CLIC5: variants seen among roughly 807,000 people sequenced by gnomAD.
CLIC5 encodes chloride intracellular channel protein 5.
CLIC5 carries 20 observed loss-of-function variants against 24.7 expected under a neutral mutation model. The ratio of observed to expected loss-of-function variants is 0.81; its 90% CI spans 0.57 to 1.18. The LOEUF is 1.18. CLIC5 is among the 50% of genes most tolerant of loss of function. The probability of loss-of-function intolerance (pLI) is 0.00; values close to 1 mark genes in which losing one functional copy is unlikely to be tolerated. For missense variants in CLIC5, 341 were observed against 326.1 expected (o/e 1.05, Z -0.35); for synonymous variants, 159 against 135.6 (o/e 1.17, Z -1.20).
At chr6:45,978,806 C>A (rs192407121) in intron 1 of CLIC5, among the ~76,000 whole-genome samples, 1 of 152,018 alleles carries the variant, frequency 6.6e-6, no homozygotes, top group African/African-American at 2.4e-5. Flanking sequence ...AAACATTAGC[C>A]GGGCATGGTG....
chr6:45,987,867 C>T (rs1765797465), intron 1 of CLIC5, among the ~76,000 whole-genome samples: 1 of 152,220 alleles, frequency 6.6e-6, no homozygotes, highest in South Asian at 2.1e-4. Context: ...GATACAGTCA[C>T]ATTGAGGATT....
At chr6:45,915,213 C>T (rs1762981797) in intron 4 of CLIC5, among the ~76,000 whole-genome samples, 2 of 152,126 alleles carry the variant, frequency 1.3e-5, no homozygotes, top group South Asian at 4.2e-4. Context: ...CAGGTGAGAG[C>T]CACCATGCCT....
intron 4 of CLIC5, chr6:45,914,620 A>C: frequency 1.1e-6 from 1 of 916,122 alleles, no homozygotes; most frequent in Non-Finnish European, 1.4e-6. Flanking sequence ...CCAAACAATA[A>C]ACACTAGCTA....
At chr6:45,895,266 C>G (rs976830121), downstream of CLIC5, among the ~76,000 whole-genome samples, 3 of 152,160 alleles carry the variant, frequency 2.0e-5, no homozygotes, top group African/African-American at 7.2e-5. Flanking sequence ...CCCCTCAAAG[C>G]TTCTAACCTG....
At chr6:46,118,916 T>G in the CLIC5 span, among the ~76,000 whole-genome samples, 1 of 152,294 alleles carries the variant, frequency 6.6e-6, no homozygotes, top group Non-Finnish European at 1.5e-5. Context: ...ATCATCTAGG[T>G]AGGCCCAATG....
chr6:45,947,818 G>A (rs879494764), intron 3 of CLIC5, among the ~76,000 whole-genome samples: 1 of 152,178 alleles, frequency 6.6e-6, no homozygotes, highest in Non-Finnish European at 1.5e-5. Context: ...GTGTGTGTAT[G>A]TGGGGCTGTC....
At chr6:45,919,087 A>G in intron 4 of CLIC5, 1 of 985,460 alleles carries the variant, frequency 1.0e-6, no homozygotes, top group Non-Finnish European at 1.2e-6. Context: ...TGGAAAAACA[A>G]CAACAACTTT....
At chr6:46,105,894 T>G in the CLIC5 span, among the ~76,000 whole-genome samples, 96 of 152,190 alleles carry the variant, frequency 6.3e-4, no homozygotes, top group Non-Finnish European at 1.0e-3. Context: ...CGGCTATGTA[T>G]TTCTTTGTGT....
At chr6:45,894,525 G>A (rs1762378023), downstream of CLIC5, among the ~76,000 whole-genome samples, 1 of 152,124 alleles carries the variant, frequency 6.6e-6, no homozygotes, top group Admixed American at 6.5e-5. Flanking sequence ...TATTCATGAT[G>A]TATGCATGAA....
chr6:45,902,327 AT>A lies in CLIC5; in HGVS notation c.*760del, dbSNP rs1762531245. ...TGGTAGACCCCGTGGGTATTTTGGC[AT>A]CAACACTGCTCCCCTCCCCTCCCAT... is the stretch of plus-strand genomic sequence containing the variant. On this transcript the variant is annotated 3_prime_UTR_variant, in exon 6 of 6. Coordinates refer to ENST00000339561, the MANE Select transcript of CLIC5 (RefSeq NM_016929.5). 1 of 152,934 alleles carries A rather than the reference AT, an allele frequency of 6.5e-6. No individual in the cohort carries two copies. Among genetic ancestry groups the A allele is most frequent in the East Asian group, 1.9e-4 (1 of 5,188 alleles). 9.5% of individuals were successfully genotyped at this position (152,934 alleles called of 1,614,324 possible).
At chr6:45,908,604 T>C (rs1411355051) in intron 5 of CLIC5, among the ~76,000 whole-genome samples, 2 of 152,192 alleles carry the variant, frequency 1.3e-5, no homozygotes, top group Non-Finnish European at 2.9e-5. Context: ...TTGGTGTTGA[T>C]TTCTATTTTT....
At position 45,904,310 on chromosome 6, in the gene CLIC5, A is replaced by G. The variant is rs564100607; in HGVS notation, c.589-1055T>C. ...TCAATAAACATCAAGTATTATTATA[A>G]TTCATTGAGACCTAGCTTGTACCCA... On this transcript the variant is annotated intron_variant, in intron 5 of 5. Coordinates refer to ENST00000339561, the MANE Select transcript of CLIC5 (RefSeq NM_016929.5). Among the ~76,000 whole-genome samples, 322 of 152,212 alleles carry G rather than the reference A, an allele frequency of 2.1e-3. 3 individuals are homozygous for G. Among genetic ancestry groups the G allele is most frequent in the African/African-American group, 6.8e-3 (284 of 41,536 alleles).
intron 1 of CLIC5, among the ~76,000 whole-genome samples, chr6:46,004,144 CAGG>C (rs879469669): frequency 6.6e-6 from 1 of 152,162 alleles, no homozygotes; most frequent in Non-Finnish European, 1.5e-5. Context: ...CGATGTCATA[CAGG>C]AGAAGGTTCT....
At chr6:45,937,985 T>A (rs1206871892) in intron 4 of CLIC5, among the ~76,000 whole-genome samples, 1 of 151,876 alleles carries the variant, frequency 6.6e-6, no homozygotes, top group African/African-American at 2.4e-5. Flanking sequence ...TGGGCCAGTG[T>A]GTGTATGGGG....
At chr6:45,925,940 C>T (rs975071867) in intron 4 of CLIC5, among the ~76,000 whole-genome samples, 9 of 152,124 alleles carry the variant, frequency 5.9e-5, no homozygotes, top group East Asian at 3.9e-4. Context: ...CTCTGCCAAA[C>T]GACTCAGGTA....
rs1476395234 is a variant in CLIC5, at chr6:45,903,065, G to A, written c.*23C>T. ...GGAGTGGTTGAGTCCTTCTGCAGCGGGGATGGGGCAAAATGGCTGTGCTCA... is the reference window on the plus strand; with the variant it reads ...GGAGTGGTTGAGTCCTTCTGCAGCGAGGATGGGGCAAAATGGCTGTGCTCA... On this transcript the variant is annotated 3_prime_UTR_variant, in exon 6 of 6. Transcript: ENST00000339561. 1.2e-6 allele frequency: 2 copies of A among 1,613,650 alleles called. No individual in the cohort carries two copies. The highest frequency in any genetic ancestry group is 1.7e-6 in the Non-Finnish European group (2 of 1,179,908).
At chr6:46,042,436 A>C (rs976898194) in intron 1 of CLIC5, among the ~76,000 whole-genome samples, 1 of 151,998 alleles carries the variant, frequency 6.6e-6, no homozygotes. Context: ...TCCCTTCAAG[A>C]TAGAAACAAG....
At chr6:45,969,037 A>C (rs996245864) in intron 1 of CLIC5, among the ~76,000 whole-genome samples, 3 of 152,226 alleles carry the variant, frequency 2.0e-5, no homozygotes, top group African/African-American at 7.2e-5. Context: ...TGTTCCTAAA[A>C]TGTGGCTAGG....
chr6:46,126,133 G>A, the CLIC5 span, among the ~76,000 whole-genome samples: 2 of 152,256 alleles, frequency 1.3e-5, no homozygotes, highest in Non-Finnish European at 2.9e-5. Context: ...GGCACCTTAG[G>A]AGTCTGCCCC....
Sources: gnomAD v4.1 joint callset for allele counts (sites outside exome capture counted in the v4.1 genomes callset) on GRCh38, gnomAD v4.1.1 for gene constraint, MANE v1.5 for transcripts, NCBI Gene and HGNC (gene_info 2026-07-23, HGNC 2026-07-21) for gene names.